TMCO4: variants seen among roughly 807,000 people sequenced by gnomAD.
TMCO4 encodes the protein transmembrane and coiled-coil domains 4.
A neutral mutation model predicts 64.7 loss-of-function variants in TMCO4; 58 were observed. The observed-to-expected ratio is 0.90, with a 90% CI of 0.73 to 1.12. The LOEUF is 1.12. Among genes scored for constraint, TMCO4 ranks in the 50% most tolerant of loss-of-function variants. The pLI is 0.00. For synonymous variants in TMCO4, 325 were observed against 346.1 expected (o/e 0.94, Z 0.68); for missense variants, 780 against 825.9 (o/e 0.94, Z 0.68).
At chr1:19,755,826 T>G in intron 6 of TMCO4, 60 bp from the exon 7 acceptor site, 1 of 1,604,122 alleles carries the variant, frequency 6.2e-7, no homozygotes, top group South Asian at 1.1e-5. Context: ...ACAGTGATGT[T>G]AGCAGTGTAA....
rs552395537 is a variant in TMCO4 at position 19,683,017 on chromosome 1, A to G, written c.*23T>C. Reference sequence around the variant, plus strand: ...GAGCTGCATATGGAGACTGGGGAAGACGGCTCAGGTCCCCTGCTGTGGTCA... The same window carrying G: ...GAGCTGCATATGGAGACTGGGGAAGGCGGCTCAGGTCCCCTGCTGTGGTCA... On this transcript the variant is annotated 3_prime_UTR_variant, in exon 16 of 16. Coordinates refer to ENST00000294543, the MANE Select transcript of TMCO4 (RefSeq NM_181719.7). The G allele has an allele frequency of 1.1e-5, 17 of 1,534,906 alleles. No individual in the cohort carries two copies. In the South Asian group the frequency reaches 2.2e-4, roughly 20 times the overall value.
rs138685003 is a variant in TMCO4 at position 19,721,328 on chromosome 1, G to A, written c.1264+16044C>T. 5.3e-3 allele frequency among the ~76,000 whole-genome samples: 806 copies of A among 152,308 alleles called. 4 individuals carry two copies. The highest frequency in any genetic ancestry group is 0.018 in the African/African-American group (758 of 41,562). Reference sequence around the variant, plus strand: ...TGTGCTCACCACAGAAACTTCAGCAGAGAATTTGTTTCCCTGGAGCTTAGG... The same window carrying A: ...TGTGCTCACCACAGAAACTTCAGCAAAGAATTTGTTTCCCTGGAGCTTAGG... On this transcript the variant is annotated intron_variant, in intron 13 of 15. Coordinates refer to ENST00000294543, the MANE Select transcript of TMCO4 (RefSeq NM_181719.7).
chr1:19,755,695 G>C lies in TMCO4; in HGVS notation c.454C>G (p.Leu152Val). Residue 152 changes from leucine to valine, a missense_variant, in exon 7 of 16, where the codon CTG becomes GTG. By Grantham distance (32) the Leu-to-Val change is conservative (BLOSUM62 1). Coordinates refer to ENST00000294543, the MANE Select transcript of TMCO4 (RefSeq NM_181719.7). ...AGGAACATCTCTTCAAGGACATCCA[G>C]CTCCTCCAAGGGCACTTGGAGCAGG... ...TSLLQVPLEE[L>V]DVLEEMFLES... 6.2e-7 allele frequency: 1 copy of C among 1,614,124 alleles called. No individual in the cohort carries two copies. The highest frequency in any genetic ancestry group is 8.5e-7 in the Non-Finnish European group (1 of 1,180,024).
chr1:19,723,825 G>A (rs1396679187), intron 13 of TMCO4, among the ~76,000 whole-genome samples: 3 of 152,114 alleles, frequency 2.0e-5, no homozygotes, highest in African/African-American at 7.2e-5. Context: ...AGAGGAGGGT[G>A]AAGCGGGTCA....
At chr1:19,726,367 T>C (rs925504578) in intron 13 of TMCO4, among the ~76,000 whole-genome samples, 4 of 152,048 alleles carry the variant, frequency 2.6e-5, no homozygotes, top group Admixed American at 6.6e-5. Flanking sequence ...GCAAATCCCT[T>C]CGGCTCTCTG....
At chr1:19,745,780 T>TAAGG in intron 9 of TMCO4, 129 bp from the exon 10 acceptor site, 1 of 1,278,686 alleles carries the variant, frequency 7.8e-7, no homozygotes, top group Non-Finnish European at 1.1e-6. Flanking sequence ...AAAAACACAT[T>TAAGG]TTGTGTTTGA....
chr1:19,797,803 G>A (rs1571090253), intron 2 of TMCO4, among the ~76,000 whole-genome samples: 1 of 149,926 alleles, frequency 6.7e-6, no homozygotes, highest in South Asian at 2.1e-4. Flanking sequence ...GGCGGAGGTT[G>A]CAGTGAGCTG....
At chr1:19,685,839 G>A (rs1006216927) in intron 15 of TMCO4, among the ~76,000 whole-genome samples, 1 of 151,568 alleles carries the variant, frequency 6.6e-6, no homozygotes, top group African/African-American at 2.4e-5. Flanking sequence ...TCAGCCTCCC[G>A]AGTAGCAGGG....
chr1:19,782,554 G>T (rs1184376994), intron 3 of TMCO4, among the ~76,000 whole-genome samples: 2 of 152,004 alleles, frequency 1.3e-5, no homozygotes, highest in Non-Finnish European at 2.9e-5. Context: ...AGGAAGGAAG[G>T]AAGAAGGAAA....
In TMCO4 at chr1:19,766,869, C is replaced by T. The variant is rs142829384; in HGVS notation, c.382+3673G>A. Among the ~76,000 whole-genome samples the T allele has an allele frequency of 1.1e-4, 17 of 152,276 alleles. No homozygotes were observed. In the East Asian group the frequency reaches 3.3e-3, roughly 29 times the overall value. On this transcript the variant is annotated intron_variant, in intron 6 of 15. Coordinates refer to ENST00000294543, the MANE Select transcript of TMCO4 (RefSeq NM_181719.7). ...ACTTCCCCCTCTAGGCCTCAGTTTC[C>T]CCATCTACATAAGAGGGTGGTCTAG...
At chr1:19,700,115 C>G (rs2095261828) in intron 14 of TMCO4, among the ~76,000 whole-genome samples, 1 of 152,194 alleles carries the variant, frequency 6.6e-6, no homozygotes. Flanking sequence ...AATCTTCCCT[C>G]CTGCCCCAAA....
intron 6 of TMCO4, among the ~76,000 whole-genome samples, chr1:19,761,227 C>T (rs746764762): frequency 1.3e-5 from 2 of 152,218 alleles, no homozygotes; most frequent in South Asian, 2.1e-4. Context: ...ACCCATTCCC[C>T]GCACCATGAA....
At chr1:19,782,599 C>T (rs1046167667) in intron 3 of TMCO4, among the ~76,000 whole-genome samples, 1 of 152,212 alleles carries the variant, frequency 6.6e-6, no homozygotes, top group African/African-American at 2.4e-5. Flanking sequence ...GTTCTCCCTC[C>T]TTCTTTTCCT....
At chr1:19,773,267 G>A (rs759435305) in intron 4 of TMCO4, among the ~76,000 whole-genome samples, 13 of 152,176 alleles carry the variant, frequency 8.5e-5, no homozygotes, top group Non-Finnish European at 1.9e-4. Context: ...AAGCTGCCCT[G>A]AAATGAGATG....
chr1:19,712,979 T>C (rs2095338426), intron 13 of TMCO4, among the ~76,000 whole-genome samples: 1 of 152,358 alleles, frequency 6.6e-6, no homozygotes, highest in South Asian at 2.1e-4. Context: ...GAGCCAGCTT[T>C]GCTCGGTGGG....
intron 15 of TMCO4, among the ~76,000 whole-genome samples, chr1:19,691,990 C>A (rs1370106685): frequency 1.3e-5 from 2 of 152,190 alleles, no homozygotes; most frequent in Non-Finnish European, 2.9e-5. Flanking sequence ...TCACCTTCCG[C>A]CATGATTGTG....
intron 6 of TMCO4, among the ~76,000 whole-genome samples, chr1:19,765,555 G>GTC (rs75141678): frequency 0.12 from 17,732 of 152,064 alleles, 1,120 homozygotes; most frequent in Non-Finnish European, 0.13. Context: ...ACACAGAATA[G>GTC]CCCCCCACAA....
chr1:19,754,897 G>T (rs555824148), intron 7 of TMCO4, among the ~76,000 whole-genome samples: 83 of 151,958 alleles, frequency 5.5e-4, no homozygotes, highest in African/African-American at 1.8e-3. Context: ...ATCCTGGGAG[G>T]GCACTATCCT....
intron 15 of TMCO4, among the ~76,000 whole-genome samples, chr1:19,686,253 G>A (rs1333869968): frequency 2.0e-5 from 3 of 152,166 alleles, no homozygotes; most frequent in Admixed American, 6.5e-5. Context: ...GGAGTCTCAC[G>A]TTATACCCAG....
Sources: allele counts gnomAD v4.1 joint callset (sites outside exome capture counted in the v4.1 genomes callset), GRCh38; gene constraint gnomAD v4.1.1; transcripts MANE v1.5; gene names NCBI Gene and HGNC (gene_info 2026-07-23, HGNC 2026-07-21).